The following DGLUCY variants were observed in gnomAD, a reference collection of about 807,000 sequenced individuals.
DGLUCY encodes D-glutamate cyclase.
In DGLUCY, 58 loss-of-function variants were observed where a neutral mutation model predicts 58.5. The observed-to-expected ratio is 0.99, with a 90% CI of 0.80 to 1.23. DGLUCY has a LOEUF of 1.23. Among genes scored for constraint, DGLUCY ranks in the 50% most tolerant of loss-of-function variants. DGLUCY has a pLI of 0.00. For synonymous variants in DGLUCY, 325 were observed against 314.1 expected (o/e 1.03, Z -0.37); for missense variants, 779 against 784.7 (o/e 0.99, Z 0.09).
chr14:91,213,647 T>C (rs1005467436), intron 12 of DGLUCY, among the ~76,000 whole-genome samples: 1 of 152,178 alleles, frequency 6.6e-6, no homozygotes, highest in African/African-American at 2.4e-5. Flanking sequence ...CGTTTTGATA[T>C]ATGGCTTGTA....
At chr14:91,145,487 G>T (rs2046961622) in intron 1 of DGLUCY, among the ~76,000 whole-genome samples, 1 of 152,172 alleles carries the variant, frequency 6.6e-6, no homozygotes, top group Non-Finnish European at 1.5e-5. Context: ...GGAGTCTGGA[G>T]GGAGGGGTCC....
chr14:91,140,671 A>G (rs2046613932), intron 1 of DGLUCY, among the ~76,000 whole-genome samples: 1 of 152,192 alleles, frequency 6.6e-6, no homozygotes, highest in South Asian at 2.1e-4. Context: ...ACCCCTTTCC[A>G]AAACAAACAA....
At chr14:91,192,397 G>A (rs1349740366) in intron 9 of DGLUCY, among the ~76,000 whole-genome samples, 1 of 152,110 alleles carries the variant, frequency 6.6e-6, no homozygotes, top group South Asian at 2.1e-4. Flanking sequence ...GGGGTGATGA[G>A]AAAGTTCTGG....
intron 10 of DGLUCY, among the ~76,000 whole-genome samples, chr14:91,198,391 C>G (rs547831341): frequency 1.3e-5 from 2 of 150,306 alleles, no homozygotes; most frequent in African/African-American, 4.9e-5. Flanking sequence ...GTCACCCAGG[C>G]TGGAGTGCAA....
chr14:91,112,759 C>T (rs1046617978), upstream of DGLUCY, among the ~76,000 whole-genome samples: 41 of 151,978 alleles, frequency 2.7e-4, no homozygotes, highest in African/African-American at 9.9e-4. Context: ...GTGGCTGACA[C>T]CTGTAATCCC....
intron 11 of DGLUCY, 132 bp downstream of exon 11, chr14:91,200,037 C>T: frequency 8.7e-7 from 1 of 1,148,092 alleles, no homozygotes; most frequent in Non-Finnish European, 1.2e-6. Context: ...TCACTGCAAC[C>T]TCTGCCTCCT....
chr14:91,120,664 G>A (rs1484836383), intron 1 of DGLUCY, among the ~76,000 whole-genome samples: 1 of 152,188 alleles, frequency 6.6e-6, no homozygotes, highest in African/African-American at 2.4e-5. Context: ...ACCTGCCTCA[G>A]CCTCCCAAAG....
At chr14:91,189,215 G>T in intron 9 of DGLUCY, 45 bp downstream of exon 9, 1 of 1,607,116 alleles carries the variant, frequency 6.2e-7, no homozygotes, top group Non-Finnish European at 8.5e-7. Context: ...AACGGGCTTT[G>T]TGGACGGAGG....
chr14:91,121,499 G>A (rs2045356354), intron 1 of DGLUCY, among the ~76,000 whole-genome samples: 1 of 152,000 alleles, frequency 6.6e-6, no homozygotes, highest in African/African-American at 2.4e-5. Context: ...GACCAGCCTG[G>A]CCAACATGGT....
chr14:91,146,569 C>G (rs575381083), intron 1 of DGLUCY, among the ~76,000 whole-genome samples: 44 of 152,266 alleles, frequency 2.9e-4, no homozygotes, highest in African/African-American at 1.0e-3. Flanking sequence ...GACTGTGTCC[C>G]CCGGAGGAAT....
chr14:91,088,149 G>A (rs1295341413), intron 1 of DGLUCY, among the ~76,000 whole-genome samples: 1 of 152,188 alleles, frequency 6.6e-6, no homozygotes, highest in Admixed American at 6.5e-5. Flanking sequence ...GCAAGTAAAT[G>A]TAGAGAAGTC....
chr14:91,179,307 A>G (rs1329907493), intron 7 of DGLUCY, among the ~76,000 whole-genome samples: 2 of 152,204 alleles, frequency 1.3e-5, no homozygotes, highest in East Asian at 3.9e-4. Flanking sequence ...GGTTCAGGCC[A>G]GGCTCTGTGG....
At chr14:91,176,294 C>T (rs1350878018) in intron 7 of DGLUCY, among the ~76,000 whole-genome samples, 1 of 152,058 alleles carries the variant, frequency 6.6e-6, no homozygotes, top group East Asian at 1.9e-4. Context: ...GGTGCAATCT[C>T]GGTTCACTGC....
At chr14:91,124,579 AGT>A (rs1176868681) in intron 1 of DGLUCY, among the ~76,000 whole-genome samples, 1 of 152,192 alleles carries the variant, frequency 6.6e-6, no homozygotes, top group Non-Finnish European at 1.5e-5. Flanking sequence ...GGCCAAGGAA[AGT>A]GTCCTGTTAC....
intron 12 of DGLUCY, 120 bp from the exon 13 acceptor site, chr14:91,215,285 G>T: frequency 4.1e-6 from 6 of 1,465,204 alleles, no homozygotes; most frequent in Non-Finnish European, 5.4e-6. Flanking sequence ...CAAGCTCCCA[G>T]ATGATACTGG....
intron 1 of DGLUCY, among the ~76,000 whole-genome samples, chr14:91,151,966 T>C (rs961577789): frequency 1.3e-5 from 2 of 151,972 alleles, no homozygotes; most frequent in Non-Finnish European, 2.9e-5. Context: ...CAGGGTCTCA[T>C]GTCATAAGAG....
chr14:91,160,501 C>T (rs1179687414), intron 3 of DGLUCY, 104 bp downstream of exon 3: 14 of 784,394 alleles, frequency 1.8e-5, no homozygotes, highest in Admixed American at 2.9e-5. Flanking sequence ...CTTCTAGATT[C>T]TGCATAGGAA....
chr14:91,153,510 C>T (rs1431813976), intron 1 of DGLUCY, among the ~76,000 whole-genome samples: 3 of 152,328 alleles, frequency 2.0e-5, no homozygotes, highest in South Asian at 4.1e-4. Context: ...GGGCACCTCC[C>T]GTGTGCCAGG....
intron 3 of DGLUCY, among the ~76,000 whole-genome samples, chr14:91,162,205 C>G (rs2145143): frequency 0.062 from 9,434 of 152,266 alleles, 355 homozygotes; most frequent in African/African-American, 0.096. Flanking sequence ...TTTTACCAAA[C>G]AGCTGGGAAA....
Sources: allele counts gnomAD v4.1 joint callset (sites outside exome capture counted in the v4.1 genomes callset), GRCh38; gene constraint gnomAD v4.1.1; transcripts MANE v1.5; gene names NCBI Gene and HGNC (gene_info 2026-07-23, HGNC 2026-07-21).